Variants in MOXD1 observed in about 807,000 individuals in gnomAD.
MOXD1 encodes monooxygenase DBH like 1.
In MOXD1, 62 loss-of-function variants were observed where a neutral mutation model predicts 66.6. That is an observed-to-expected ratio of 0.93 (90% confidence interval 0.76 to 1.15). MOXD1 has a LOEUF of 1.15. Ranked by LOEUF, MOXD1 falls within the 50% of genes most tolerant of loss-of-function variation. The probability of loss-of-function intolerance (pLI) is 0.00; values close to 1 mark genes in which losing one functional copy is unlikely to be tolerated. For missense variants in MOXD1, 847 were observed against 754.6 expected (o/e 1.12, Z -1.44); for synonymous variants, 303 against 281.9 (o/e 1.07, Z -0.75).
At chr6:132,366,021 T>A (rs1776115117) in intron 4 of MOXD1, among the ~76,000 whole-genome samples, 1 of 152,178 alleles carries the variant, frequency 6.6e-6, no homozygotes, top group Non-Finnish European at 1.5e-5. Flanking sequence ...AGATTCTTGA[T>A]TTTTATAGCA....
chr6:132,328,721 A>G (rs1775247698), intron 4 of MOXD1, 127 bp from the exon 5 acceptor site: 1 of 889,164 alleles, frequency 1.1e-6, no homozygotes, highest in African/African-American at 1.7e-5. Context: ...AATTATGTCA[A>G]GGTTGTGTAG....
chr6:132,397,386 T>C (rs1311522877), intron 1 of MOXD1, among the ~76,000 whole-genome samples: 1 of 152,208 alleles, frequency 6.6e-6, no homozygotes, highest in African/African-American at 2.4e-5. Flanking sequence ...AGAACTGGCC[T>C]AAAAAGAAAT....
At chr6:132,387,794 A>C (rs1033550847) in intron 1 of MOXD1, among the ~76,000 whole-genome samples, 1 of 149,826 alleles carries the variant, frequency 6.7e-6, no homozygotes, top group African/African-American at 2.4e-5. Flanking sequence ...GTATAGGTTT[A>C]AAATATTTAG....
At chr6:132,323,409 T>C (rs992677087) in intron 7 of MOXD1, among the ~76,000 whole-genome samples, 4 of 152,182 alleles carry the variant, frequency 2.6e-5, no homozygotes, top group African/African-American at 9.6e-5. Context: ...TATCATATAA[T>C]TCATAAAGAG....
At chr6:132,375,712 G>A (rs1027022828) in intron 1 of MOXD1, among the ~76,000 whole-genome samples, 3 of 152,112 alleles carry the variant, frequency 2.0e-5, no homozygotes, top group South Asian at 2.1e-4. Flanking sequence ...GAGCCACCGC[G>A]CCCAGCCAGT....
intron 4 of MOXD1, among the ~76,000 whole-genome samples, chr6:132,339,430 GC>G (rs1378510112): frequency 1.1e-4 from 17 of 152,226 alleles, no homozygotes; most frequent in African/African-American, 4.1e-4. Flanking sequence ...TTCGTTAGGT[GC>G]TGAGGGAGGA....
intron 4 of MOXD1, among the ~76,000 whole-genome samples, chr6:132,328,950 G>C (rs1775252616): frequency 6.6e-6 from 1 of 151,828 alleles, no homozygotes; most frequent in Admixed American, 6.6e-5. Flanking sequence ...TCCTCCTCCT[G>C]CCTCTCACTT....
intron 4 of MOXD1, among the ~76,000 whole-genome samples, chr6:132,340,922 A>G (rs1021784432): frequency 1.3e-5 from 2 of 152,182 alleles, no homozygotes; most frequent in East Asian, 3.9e-4. Flanking sequence ...CTGGGATTAC[A>G]GGCGTGAGCC....
At chr6:132,326,754 A>T (rs1046511094) in intron 6 of MOXD1, among the ~76,000 whole-genome samples, 3 of 152,170 alleles carry the variant, frequency 2.0e-5, no homozygotes, top group African/African-American at 7.2e-5. Flanking sequence ...ATTAAAGTGA[A>T]TTCAGAGAGA....
At chr6:132,322,401 T>C (rs908841586) in intron 8 of MOXD1, among the ~76,000 whole-genome samples, 40 of 152,298 alleles carry the variant, frequency 2.6e-4, no homozygotes, top group African/African-American at 8.7e-4. Context: ...AAAAGAGTAA[T>C]GTTTAGTCCT....
chr6:132,401,387 G>T lies in MOXD1; in HGVS notation c.40C>A (p.Pro14Thr). The change falls in exon 1 of 12, where the codon CCC (proline) becomes ACC (threonine). Residue 14 changes from proline (P) to threonine (T), a missense_variant. Physicochemically the swap from Pro to Thr is conservative, Grantham distance 38 (BLOSUM62 -1). Coordinates refer to ENST00000367963, the MANE Select transcript of MOXD1 (RefSeq NM_015529.4). Reference protein sequence around the residue: ...WPLLLLWGLLPGTAAGGSGRT... With the variant: ...WPLLLLWGLLTGTAAGGSGRT... ...CCCGAGCCCCCCGCCGCCGTCCCGG[G>T]GAGCAGCCCCCACAGCAGGAGCAGC... The T allele has an allele frequency of 6.5e-7, 1 of 1,537,064 alleles. No homozygotes were observed.
Position 132,315,745 on chromosome 6 carries a change from G to A in MOXD1, c.1398C>T (p.Leu466=), listed in dbSNP as rs1056696578. 1 of 1,613,598 alleles carries A rather than the reference G, an allele frequency of 6.2e-7. No homozygotes were observed. The highest frequency in any genetic ancestry group is 8.5e-7 in the Non-Finnish European group (1 of 1,179,666). The change falls in exon 10 of 12, where the codon CTC becomes CTT. Residue 466 remains leucine, a synonymous_variant. Transcript: ENST00000367963. ...TTCTTGGGTAATAAAGAAGGTATGAGAGACACATTTCACTCCTGGTGCTTA... is the reference window on the plus strand; with the variant it reads ...TTCTTGGGTAATAAAGAAGGTATGAAAGACACATTTCACTCCTGGTGCTTA... The part of the protein sequence containing the change: ...GGLSTRSEMC[L]SYLLYYPRIN...
intron 9 of MOXD1, among the ~76,000 whole-genome samples, chr6:132,317,534 A>G (rs1031277378): frequency 1.3e-5 from 2 of 152,242 alleles, no homozygotes; most frequent in South Asian, 2.1e-4. Context: ...GTTATTTTCT[A>G]ATACCAAGGG....
chr6:132,346,105 A>G (rs1389550463), intron 4 of MOXD1, among the ~76,000 whole-genome samples: 1 of 151,992 alleles, frequency 6.6e-6, no homozygotes, highest in Non-Finnish European at 1.5e-5. Flanking sequence ...TAATAATTCT[A>G]TCCAAGAAAG....
intron 10 of MOXD1, among the ~76,000 whole-genome samples, chr6:132,303,398 G>A (rs541185462): frequency 3.3e-5 from 5 of 152,092 alleles, no homozygotes; most frequent in East Asian, 1.9e-4. Context: ...ATCCATGGGG[G>A]ACTGAGGATA....
At chr6:132,314,395 A>T (rs1774896034) in intron 10 of MOXD1, among the ~76,000 whole-genome samples, 1 of 152,238 alleles carries the variant, frequency 6.6e-6, no homozygotes, top group Admixed American at 6.5e-5. Context: ...GCCCTCCTAG[A>T]GTCCTTTCCC....
chr6:132,333,342 A>AAG (rs1479582516), intron 4 of MOXD1, among the ~76,000 whole-genome samples: 1 of 145,254 alleles, frequency 6.9e-6, no homozygotes, highest in Non-Finnish European at 1.5e-5. Flanking sequence ...TCTCAAAAAA[A>AAG]AAAAAAAAAA....
At chr6:132,318,481 T>C (rs967530530) in intron 9 of MOXD1, among the ~76,000 whole-genome samples, 1 of 152,076 alleles carries the variant, frequency 6.6e-6, no homozygotes, top group African/African-American at 2.4e-5. Flanking sequence ...GGTTGTTATT[T>C]CTTTGAAATG....
At chr6:132,338,441 G>A (rs1444750020) in intron 4 of MOXD1, among the ~76,000 whole-genome samples, 3 of 152,074 alleles carry the variant, frequency 2.0e-5, no homozygotes, top group African/African-American at 7.2e-5. Flanking sequence ...CATTCCCCTG[G>A]GGCAGGTGAA....
Sources: gnomAD v4.1 joint callset for allele counts (sites outside exome capture counted in the v4.1 genomes callset) on GRCh38, gnomAD v4.1.1 for gene constraint, MANE v1.5 for transcripts, NCBI Gene and HGNC (gene_info 2026-07-23, HGNC 2026-07-21) for gene names.